The following PRIM1 variants were observed in gnomAD, a reference collection of about 807,000 sequenced individuals.
The protein encoded by PRIM1 is DNA primase small subunit.
In PRIM1, 38 loss-of-function variants were observed where a neutral mutation model predicts 60.2. The ratio of observed to expected loss-of-function variants is 0.63; its 90% CI spans 0.49 to 0.83. The LOEUF is 0.83. Among genes scored for constraint, PRIM1 ranks in the 40% least tolerant of loss-of-function variants. The probability of loss-of-function intolerance (pLI) is 0.00; values close to 1 mark genes in which losing one functional copy is unlikely to be tolerated. For synonymous variants in PRIM1, 158 were observed against 160.2 expected (o/e 0.99, Z 0.10); for missense variants, 388 against 506.2 (o/e 0.77, Z 2.24).
intron 9 of PRIM1, among the ~76,000 whole-genome samples, chr12:56,740,087 G>A (rs1020066049): frequency 6.6e-6 from 1 of 151,932 alleles, no homozygotes; most frequent in Non-Finnish European, 1.5e-5. Context: ...AGTGAGCCAA[G>A]ATCGCGCCAC....
At chr12:56,751,972 T>TG (rs1265790454) in intron 1 of PRIM1, among the ~76,000 whole-genome samples, 1 of 147,800 alleles carries the variant, frequency 6.8e-6, no homozygotes, top group African/African-American at 2.5e-5. Context: ...CTCTGTTTTT[T>TG]TTTTTTTTTT....
chr12:56,739,036 G>A (rs1953853830), intron 10 of PRIM1, among the ~76,000 whole-genome samples: 1 of 152,162 alleles, frequency 6.6e-6, no homozygotes, highest in South Asian at 2.1e-4. Context: ...AAATACTGTA[G>A]TAAAAGATAC....
chr12:56,741,859 G>A, intron 7 of PRIM1, 22 bp from the exon 8 acceptor site: 1 of 1,598,930 alleles, frequency 6.3e-7, no homozygotes, highest in East Asian at 2.2e-5. Flanking sequence ...TTAAGGAACA[G>A]ACTCATTTAG....
intron 11 of PRIM1, 52 bp from the exon 12 acceptor site, chr12:56,734,297 C>T: frequency 8.8e-7 from 1 of 1,133,146 alleles, no homozygotes; most frequent in Non-Finnish European, 1.3e-6. Context: ...GCAAGAATAA[C>T]ATGAAAACAC....
chr12:56,745,342 T>C (rs1220659334), intron 5 of PRIM1, among the ~76,000 whole-genome samples: 3 of 151,288 alleles, frequency 2.0e-5, no homozygotes, highest in African/African-American at 7.3e-5. Flanking sequence ...GACCAGGAGG[T>C]CAAGGCTGCA....
rs1370853096 is a variant in PRIM1, at chr12:56,750,956, T to C, written c.261+82A>G. On this transcript the variant is annotated intron_variant, in intron 2 of 12. Transcript: ENST00000338193. ...TCATCTAGAATAAACTCTAAAAATT[T>C]AATCTCAAAACGCAAGAGGAATCAA... 4.1e-6 allele frequency: 4 copies of C among 982,886 alleles called. No homozygotes were observed. In the East Asian group the frequency reaches 1.3e-4, roughly 31 times the overall value. 60.9% of individuals were successfully genotyped at this position (982,886 alleles called of 1,614,324 possible).
intron 6 of PRIM1, chr12:56,743,803 T>C (rs182753191): frequency 1.1e-5 from 4 of 351,676 alleles, no homozygotes. Flanking sequence ...CCAAGCTCAT[T>C]ATAAAATCTC....
intron 5 of PRIM1, among the ~76,000 whole-genome samples, chr12:56,744,886 G>C (rs1044882062): frequency 6.6e-6 from 1 of 152,098 alleles, no homozygotes; most frequent in Non-Finnish European, 1.5e-5. Context: ...GAGGTCAGGA[G>C]TTCGAGACCA....
intron 2 of PRIM1, among the ~76,000 whole-genome samples, chr12:56,749,258 C>T (rs1953929679): frequency 6.6e-6 from 1 of 152,160 alleles, no homozygotes; most frequent in Non-Finnish European, 1.5e-5. Context: ...ATCTGCTCGC[C>T]TCAGCCTCTC....
At chr12:56,746,415 G>A (rs985344223) in intron 4 of PRIM1, 8 of 647,304 alleles carry the variant, frequency 1.2e-5, no homozygotes, top group South Asian at 3.0e-5. Flanking sequence ...GGCAGATCAC[G>A]AGGTCAGGAG....
intron 4 of PRIM1, chr12:56,746,385 C>A (rs922472888): frequency 2.7e-5 from 20 of 727,490 alleles, no homozygotes; most frequent in Non-Finnish European, 4.5e-5. Context: ...GTAATCCCAG[C>A]ACTCTGGGAG....
At chr12:56,746,212 A>G (rs1953905744) in intron 4 of PRIM1, 31 bp from the exon 5 acceptor site, 5 of 1,594,532 alleles carry the variant, frequency 3.1e-6, no homozygotes, top group Non-Finnish European at 3.4e-6. Context: ...AGGTTTTAAA[A>G]CAAATCTATA....
At chr12:56,746,437 C>T in intron 4 of PRIM1, 1 of 615,274 alleles carries the variant, frequency 1.6e-6, no homozygotes, top group Non-Finnish European at 3.0e-6. Context: ...TCGAGACCAG[C>T]CTGACCAACA....
At chr12:56,738,064 T>G in intron 11 of PRIM1, among the ~76,000 whole-genome samples, 1 of 152,158 alleles carries the variant, frequency 6.6e-6, no homozygotes, top group Non-Finnish European at 1.5e-5. Context: ...TGGTAAACAG[T>G]TTAGACATAT....
chr12:56,738,681 A>G (rs1264952174), intron 10 of PRIM1, among the ~76,000 whole-genome samples, 156 bp from the exon 11 acceptor site: 2 of 152,188 alleles, frequency 1.3e-5, no homozygotes, highest in African/African-American at 4.8e-5. Flanking sequence ...CCTCCCAAGT[A>G]GCTGGGACTA....
Position 56,746,025 on chromosome 12 carries a change from T to G in PRIM1, c.579+20A>C, listed in dbSNP as rs1230670177. On this transcript the variant is annotated intron_variant, in intron 5 of 12. Transcript: ENST00000338193. ...ATCTAGAAACTAAAGCAATGCAAAT[T>G]AGAATTAAGAGGATCTTACCTTTAC... is the stretch of plus-strand genomic sequence containing the variant. The G allele has an allele frequency of 1.3e-6, 2 of 1,583,716 alleles. No homozygotes were observed. Among genetic ancestry groups the G allele is most frequent in the Non-Finnish European group, 1.7e-6 (2 of 1,169,070 alleles).
At chr12:56,750,613 C>T (rs1271493698) in intron 2 of PRIM1, among the ~76,000 whole-genome samples, 1 of 149,258 alleles carries the variant, frequency 6.7e-6, no homozygotes, top group Admixed American at 6.7e-5. Context: ...TTTTTGAGGC[C>T]AAGTCTCGCT....
At chr12:56,736,664 T>C (rs1292960481) in intron 11 of PRIM1, among the ~76,000 whole-genome samples, 1 of 152,122 alleles carries the variant, frequency 6.6e-6, no homozygotes, top group East Asian at 1.9e-4. Flanking sequence ...CCACCATGCC[T>C]GGCTAATTTT....
intron 4 of PRIM1, 26 bp downstream of exon 4, chr12:56,746,755 C>T: frequency 6.2e-7 from 1 of 1,606,972 alleles, no homozygotes. Context: ...TACACTTGAC[C>T]CCATTCAGAA....
Sources: gnomAD v4.1 joint callset for allele counts (sites outside exome capture counted in the v4.1 genomes callset) on GRCh38, gnomAD v4.1.1 for gene constraint, MANE v1.5 for transcripts, NCBI Gene and HGNC (gene_info 2026-07-23, HGNC 2026-07-21) for gene names.